CTNNA3: variants seen among roughly 807,000 people sequenced by gnomAD.
The protein encoded by CTNNA3 is catenin alpha 3, also known as catenin alpha-3.
CTNNA3 carries 76 observed loss-of-function variants against 95.7 expected under a neutral mutation model. That is an observed-to-expected ratio of 0.79 (90% CI 0.66 to 0.96). The LOEUF (loss-of-function observed/expected upper bound fraction) is 0.96. CTNNA3 is among the 40% of genes least tolerant of loss of function. The pLI, the probability that CTNNA3 is intolerant of heterozygous loss-of-function variation, is 0.00. For missense variants in CTNNA3, 1,191 were observed against 1,089.8 expected, an observed-to-expected ratio of 1.09 and a Z score of -1.31; for synonymous variants, 431 against 374.4, an observed-to-expected ratio of 1.15 and a Z score of -1.74.
At chr10:66,828,911 C>T (rs372618165) in intron 7 of CTNNA3, among the ~76,000 whole-genome samples, 314 of 152,306 alleles carry the variant, frequency 2.1e-3, no homozygotes, top group African/African-American at 7.3e-3. Flanking sequence ...GACTGCACAG[C>T]TGTATGGAGG....
intron 7 of CTNNA3, among the ~76,000 whole-genome samples, chr10:67,054,387 G>T (rs1855296104): frequency 6.6e-6 from 1 of 151,934 alleles, no homozygotes; most frequent in Non-Finnish European, 1.5e-5. Context: ...AAAGCTAAGT[G>T]ACCAATGAGG....
intron 11 of CTNNA3, among the ~76,000 whole-genome samples, chr10:66,430,151 C>A (rs1233871839): frequency 7.0e-6 from 1 of 143,664 alleles, no homozygotes; most frequent in African/African-American, 2.7e-5. Context: ...CTCCCATTCA[C>A]AATTGCTTCA....
intron 7 of CTNNA3, among the ~76,000 whole-genome samples, chr10:66,872,439 C>CA (rs1272349195): frequency 2.0e-5 from 3 of 152,032 alleles, no homozygotes; most frequent in Non-Finnish European, 4.4e-5. Context: ...GAGGCCGAGG[C>CA]AGGTGGATTG....
chr10:66,395,857 T>G (rs1442763035), intron 11 of CTNNA3, among the ~76,000 whole-genome samples: 1 of 151,994 alleles, frequency 6.6e-6, no homozygotes, highest in East Asian at 1.9e-4. Context: ...AATGGTGAGG[T>G]TTGGGCTCCT....
At chr10:66,025,601 C>A (rs536525261) in intron 15 of CTNNA3, among the ~76,000 whole-genome samples, 5 of 152,220 alleles carry the variant, frequency 3.3e-5, no homozygotes, top group Admixed American at 3.3e-4. Context: ...CTTTGTTCAC[C>A]TGTATCAAAG....
intron 9 of CTNNA3, among the ~76,000 whole-genome samples, chr10:66,649,690 A>C (rs1020238154): frequency 6.6e-6 from 1 of 152,186 alleles, no homozygotes; most frequent in Non-Finnish European, 1.5e-5. Context: ...TGCCTGCTCA[A>C]TAGACTCAAT....
At chr10:67,513,140 C>A (rs897924937) in intron 5 of CTNNA3, among the ~76,000 whole-genome samples, 4 of 151,984 alleles carry the variant, frequency 2.6e-5, no homozygotes, top group African/African-American at 4.8e-5. Context: ...GATATGAAAC[C>A]CAATTTCCTG....
At chr10:66,822,118 C>T (rs7093284) in intron 7 of CTNNA3, among the ~76,000 whole-genome samples, 3 of 148,734 alleles carry the variant, frequency 2.0e-5, no homozygotes, top group South Asian at 2.1e-4. Flanking sequence ...ATAAATATTA[C>T]GTTTATATTT....
chr10:66,274,067 C>T (rs2091339155), intron 13 of CTNNA3, among the ~76,000 whole-genome samples: 2 of 151,888 alleles, frequency 1.3e-5, no homozygotes. Context: ...TTCGTAAAGG[C>T]TAAAACAAAA....
At chr10:67,568,812 A>G (rs1433798936) in intron 3 of CTNNA3, among the ~76,000 whole-genome samples, 1 of 152,110 alleles carries the variant, frequency 6.6e-6, no homozygotes, top group East Asian at 1.9e-4. Context: ...TTTACCACCA[A>G]TTGCTCACAG....
chr10:66,322,369 T>C (rs1318399020), intron 12 of CTNNA3, among the ~76,000 whole-genome samples: 1 of 152,032 alleles, frequency 6.6e-6, no homozygotes, highest in Admixed American at 6.6e-5. Flanking sequence ...TCGCCCAGGA[T>C]TTCTGCCTGG....
intron 7 of CTNNA3, among the ~76,000 whole-genome samples, chr10:67,134,660 T>C (rs1860205553): frequency 6.6e-6 from 1 of 152,164 alleles, no homozygotes; most frequent in Non-Finnish European, 1.5e-5. Flanking sequence ...GATATCTGCA[T>C]CCATTCAGTT....
intron 10 of CTNNA3, among the ~76,000 whole-genome samples, chr10:66,557,162 T>C (rs1210510179): frequency 6.6e-6 from 1 of 152,046 alleles, no homozygotes; most frequent in Non-Finnish European, 1.5e-5. Context: ...TATTTTTTGT[T>C]GAATTGAACA....
In CTNNA3 at chr10:67,194,955, T is replaced by C. The variant is rs533198985; in HGVS notation, c.844-14435A>G. 7.9e-5 allele frequency among the ~76,000 whole-genome samples: 12 copies of C among 152,126 alleles called. No homozygotes were observed. The South Asian group carries it at 1.0e-3, about 13-fold the overall frequency. On this transcript the variant is annotated intron_variant, in intron 6 of 17. Coordinates refer to ENST00000433211, the MANE Select transcript of CTNNA3 (RefSeq NM_013266.4). ...TTTAATACTAAAAGGCTGAAAGCCT[T>C]TTATTTAATACTAATATTCCCTATA...
chr10:67,697,781 C>T (rs1488853613), upstream of CTNNA3, among the ~76,000 whole-genome samples: 1 of 151,966 alleles, frequency 6.6e-6, no homozygotes, highest in Non-Finnish European at 1.5e-5. Context: ...AAAATATCTG[C>T]AGCCTCCAAG....
chr10:66,766,310 T>C lies in CTNNA3; in HGVS notation c.1235A>G (p.Lys412Arg). The change falls in exon 9 of 18, where the codon AAA becomes AGA. Residue 412 changes from lysine to arginine, a missense_variant. Coordinates refer to ENST00000433211, the MANE Select transcript of CTNNA3 (RefSeq NM_013266.4). Reference sequence around the variant, plus strand: ...TTCATGAAATATCGCAGCATATTCTTTTATTTCCTTTTCCCGGCCATTCTT... The same window carrying C: ...TTCATGAAATATCGCAGCATATTCTCTTATTTCCTTTTCCCGGCCATTCTT... ...AAKNGREKEI[K>R]EYAAIFHEHT... 1 of 1,613,992 alleles carries C rather than the reference T, an allele frequency of 6.2e-7. No homozygotes were observed. The highest frequency in any genetic ancestry group is 8.5e-7 in the Non-Finnish European group (1 of 1,179,916).
chr10:67,272,458 T>C (rs909916688), intron 5 of CTNNA3, among the ~76,000 whole-genome samples: 2 of 151,970 alleles, frequency 1.3e-5, no homozygotes, highest in African/African-American at 4.8e-5. Context: ...GAGGCTGAGA[T>C]GGGAGGATCG....
intron 7 of CTNNA3, among the ~76,000 whole-genome samples, chr10:67,014,419 A>C (rs997797929): frequency 6.6e-6 from 1 of 152,170 alleles, no homozygotes; most frequent in Non-Finnish European, 1.5e-5. Flanking sequence ...TATATAACTT[A>C]AGAAATATCT....
Position 66,225,418 on chromosome 10 carries a change from TATATGA to T in CTNNA3, c.1884+55046_1884+55051del, listed in dbSNP as rs2089230785. Among the ~76,000 whole-genome samples, 5 of 141,714 alleles carry T rather than the reference TATATGA, an allele frequency of 3.5e-5. No individual in the cohort carries two copies. In the Admixed American group the frequency reaches 3.6e-4, roughly 10 times the overall value. 93.0% of individuals were successfully genotyped at this position (141,714 alleles called of 152,430 possible). ...ATATATATATATATATATATATATATATATGAATGAATAGTATTCCATCGTGTATAT... is the reference window on the plus strand; with the variant it reads ...ATATATATATATATATATATATATATATGAATAGTATTCCATCGTGTATAT... On this transcript the variant is annotated intron_variant, in intron 13 of 17. Coordinates refer to ENST00000433211, the MANE Select transcript of CTNNA3 (RefSeq NM_013266.4).
Sources: allele counts gnomAD v4.1 joint callset (sites outside exome capture counted in the v4.1 genomes callset), GRCh38; gene constraint gnomAD v4.1.1; transcripts MANE v1.5; gene names NCBI Gene and HGNC (gene_info 2026-07-23, HGNC 2026-07-21).